FIG4: variants seen among roughly 807,000 people sequenced by gnomAD.
The protein encoded by FIG4 is FIG4 phosphoinositide 5-phosphatase.
A neutral mutation model predicts 118.6 loss-of-function variants in FIG4; 112 were observed. That is an observed-to-expected ratio of 0.94 (90% CI 0.81 to 1.11). The LOEUF is 1.11. Ranked by LOEUF, FIG4 falls within the 50% of genes least tolerant of loss-of-function variation. The probability of loss-of-function intolerance (pLI) is 0.00; values close to 1 mark genes in which losing one functional copy is unlikely to be tolerated. For missense variants in FIG4, 969 were observed against 1,111.7 expected (o/e 0.87, Z 1.83); for synonymous variants, 369 against 381.2 (o/e 0.97, Z 0.37).
chr6:109,723,020 G>A (rs1327015872), intron 3 of FIG4, among the ~76,000 whole-genome samples: 2 of 152,198 alleles, frequency 1.3e-5, no homozygotes, highest in Non-Finnish European at 2.9e-5. Flanking sequence ...GAGGCAGTGT[G>A]GAAGGGGAGC....
intron 4 of FIG4, among the ~76,000 whole-genome samples, chr6:109,731,980 A>G (rs987544190): frequency 6.6e-6 from 1 of 152,222 alleles, no homozygotes; most frequent in Non-Finnish European, 1.5e-5. Flanking sequence ...AATGCTATGT[A>G]TTATTTAAAG....
At chr6:109,716,424 A>AG (rs1562643086) in intron 2 of FIG4, 21 bp from the exon 3 acceptor site, 1 of 1,612,150 alleles carries the variant, frequency 6.2e-7, no homozygotes, top group Non-Finnish European at 8.5e-7. Context: ...AACCTTACAG[A>AG]GTAAATGTGC....
chr6:109,812,112 G>A (rs541640036), intron 22 of FIG4, among the ~76,000 whole-genome samples: 85 of 152,110 alleles, frequency 5.6e-4, no homozygotes, highest in African/African-American at 1.9e-3. Flanking sequence ...CTTCCCTTTC[G>A]CTTGTCACTT....
At chr6:109,802,968 C>G (rs1373850954) in intron 22 of FIG4, among the ~76,000 whole-genome samples, 1 of 152,092 alleles carries the variant, frequency 6.6e-6, no homozygotes, top group Non-Finnish European at 1.5e-5. Context: ...CAAAGCATAT[C>G]ACGAACGAGA....
At position 109,762,169 on chromosome 6, in the gene FIG4, C is replaced by A; in HGVS notation, c.1350C>A (p.Arg450=). 6.2e-7 allele frequency: 1 copy of A among 1,612,756 alleles called. No homozygotes were observed. Among genetic ancestry groups the A allele is most frequent in the Non-Finnish European group, 8.5e-7 (1 of 1,178,804 alleles). ...VVKKTGFFVN[R]PDSYCSILRP... ...AGAAAACAGGTTTCTTTGTAAACCG[C>A]CCTGATTCTTACTGTAGCATTTTGC... The change falls in exon 12 of 23, where the codon CGC becomes CGA. Residue 450 remains arginine (R), a synonymous_variant. Transcript: ENST00000230124.
chr6:109,741,289 C>T (rs1161096253), intron 7 of FIG4, among the ~76,000 whole-genome samples, 155 bp from the exon 8 acceptor site: 1 of 152,132 alleles, frequency 6.6e-6, no homozygotes, highest in Non-Finnish European at 1.5e-5. Context: ...TCTGAAGAAC[C>T]ATTAGATCAA....
intron 11 of FIG4, among the ~76,000 whole-genome samples, chr6:109,760,699 T>A (rs1024958206): frequency 2.0e-5 from 3 of 152,212 alleles, no homozygotes; most frequent in African/African-American, 7.2e-5. Flanking sequence ...CAGATGTCAC[T>A]CGTGGATGAA....
intron 10 of FIG4, 117 bp from the exon 11 acceptor site, chr6:109,760,133 T>G (rs538550893): frequency 1.3e-6 from 1 of 761,612 alleles, no homozygotes; most frequent in Admixed American, 2.3e-5. Flanking sequence ...GGTTTCATTT[T>G]AGTATATTTA....
intron 17 of FIG4, 110 bp from the exon 18 acceptor site, chr6:109,786,192 A>G: frequency 1.1e-6 from 1 of 924,016 alleles, no homozygotes; most frequent in Non-Finnish European, 1.7e-6. Context: ...TCAGGGCTGT[A>G]TCCCCCACAG....
rs886060986 is a variant in FIG4, at chr6:109,825,414, GAT to G, written c.*150_*151del. On this transcript the variant is annotated 3_prime_UTR_variant, in exon 23 of 23. Coordinates refer to ENST00000230124, the MANE Select transcript of FIG4 (RefSeq NM_014845.6). ...CAAATTCCAAATTATAGCTAATAAAGATGACTAGATAATTTGCTGTTGTTGCC... is the reference window on the plus strand; with the variant it reads ...CAAATTCCAAATTATAGCTAATAAAGGACTAGATAATTTGCTGTTGTTGCC... 3 of 696,970 alleles carry G rather than the reference GAT, an allele frequency of 4.3e-6. No individual in the cohort carries two copies. In the East Asian group the frequency reaches 8.2e-5, roughly 19 times the overall value. The allele number at this position is 696,970 out of a possible 1,614,324, so 43.2% of individuals were successfully genotyped here.
At chr6:109,818,559 T>A (rs1313946625) in intron 22 of FIG4, among the ~76,000 whole-genome samples, 1 of 152,210 alleles carries the variant, frequency 6.6e-6, no homozygotes, top group Non-Finnish European at 1.5e-5. Context: ...TTAGGTAGGC[T>A]GTTAATCTCT....
chr6:109,810,347 A>G (rs1778685739), intron 22 of FIG4, among the ~76,000 whole-genome samples: 1 of 152,184 alleles, frequency 6.6e-6, no homozygotes, highest in Non-Finnish European at 1.5e-5. Flanking sequence ...TCTAGGCCAG[A>G]GAATCAGGCA....
chr6:109,757,870 G>A (rs1583691949), intron 10 of FIG4, among the ~76,000 whole-genome samples: 1 of 152,250 alleles, frequency 6.6e-6, no homozygotes, highest in East Asian at 1.9e-4. Context: ...TTGCTACAAA[G>A]AGAATAAAAT....
intron 10 of FIG4, among the ~76,000 whole-genome samples, chr6:109,755,767 T>G (rs1776871335): frequency 6.6e-6 from 1 of 152,196 alleles, no homozygotes; most frequent in South Asian, 2.1e-4. Flanking sequence ...ACCCCTGCCT[T>G]TTTTTGTTTT....
chr6:109,747,822 A>C (rs190752776), intron 10 of FIG4, among the ~76,000 whole-genome samples: 1 of 152,098 alleles, frequency 6.6e-6, no homozygotes, highest in Non-Finnish European at 1.5e-5. Flanking sequence ...GTCGTGCTCT[A>C]TCACTTAGGC....
chr6:109,753,272 T>G (rs528850110), intron 10 of FIG4, among the ~76,000 whole-genome samples: 13 of 152,168 alleles, frequency 8.5e-5, no homozygotes, highest in Non-Finnish European at 1.6e-4. Flanking sequence ...GTGTTATTTC[T>G]GAGGGCTCTG....
At chr6:109,768,784 C>G (rs1024274243) in intron 15 of FIG4, among the ~76,000 whole-genome samples, 1 of 152,094 alleles carries the variant, frequency 6.6e-6, no homozygotes, top group Admixed American at 6.6e-5. Context: ...GTGCCCCTGC[C>G]CACAAACACG....
chr6:109,696,590 C>A (rs1429449774), intron 1 of FIG4, among the ~76,000 whole-genome samples: 2 of 152,094 alleles, frequency 1.3e-5, no homozygotes, highest in African/African-American at 4.8e-5. Flanking sequence ...TCATTCACAG[C>A]AAATATGGAT....
At chr6:109,746,163 A>G (rs551268197) in intron 10 of FIG4, among the ~76,000 whole-genome samples, 33 of 152,314 alleles carry the variant, frequency 2.2e-4, no homozygotes, top group African/African-American at 7.2e-4. Flanking sequence ...CCTATTTAAT[A>G]AATGGTTTTG....
Sources: allele counts gnomAD v4.1 joint callset (sites outside exome capture counted in the v4.1 genomes callset), GRCh38; gene constraint gnomAD v4.1.1; transcripts MANE v1.5; gene names NCBI Gene and HGNC (gene_info 2026-07-23, HGNC 2026-07-21).